Variants in SNAPC3 observed in about 807,000 individuals in gnomAD.
SNAPC3 encodes small nuclear RNA activating complex polypeptide 3, also known as snRNA-activating protein complex subunit 3.
SNAPC3 carries 56 observed loss-of-function variants against 47.7 expected under a neutral mutation model. That is an observed-to-expected ratio of 1.18 (90% confidence interval 0.95 to 1.47). The LOEUF is 1.47. Among genes scored for constraint, SNAPC3 ranks in the 40% most tolerant of loss-of-function variants. SNAPC3 has a pLI of 0.00. For missense variants in SNAPC3, 665 were observed against 511.3 expected, an observed-to-expected ratio of 1.30 and a Z score of -2.90; for synonymous variants, 235 against 189.9, an observed-to-expected ratio of 1.24 and a Z score of -1.95.
chr9:15,457,897 C>G, intron 7 of SNAPC3, 63 bp from the exon 8 acceptor site: 1 of 886,964 alleles, frequency 1.1e-6, no homozygotes, highest in South Asian at 1.6e-5. Context: ...TATTTAATAG[C>G]TCATAAAAAT....
chr9:15,431,855 A>G (rs2032192662), intron 2 of SNAPC3: 2 of 152,016 alleles, frequency 1.3e-5, no homozygotes, highest in Non-Finnish European at 1.5e-5. Flanking sequence ...GGTGGGGAAG[A>G]AAGAACTAAA....
chr9:15,423,646 T>A (rs553422915), intron 1 of SNAPC3, among the ~76,000 whole-genome samples: 53 of 152,350 alleles, frequency 3.5e-4, no homozygotes, highest in African/African-American at 1.1e-3. Flanking sequence ...GAAATATTTC[T>A]TAAAAGTGCC....
chr9:15,425,982 C>T (rs2031335146), intron 2 of SNAPC3, among the ~76,000 whole-genome samples: 1 of 152,238 alleles, frequency 6.6e-6, no homozygotes, highest in South Asian at 2.1e-4. Flanking sequence ...CTGCCTCAGC[C>T]TCCCAAGTAG....
chr9:15,426,068 G>T (rs1000362100), intron 2 of SNAPC3, among the ~76,000 whole-genome samples: 19 of 152,126 alleles, frequency 1.2e-4, no homozygotes, highest in African/African-American at 4.6e-4. Flanking sequence ...TGTTGGTCAG[G>T]CTCCATGTTG....
intron 5 of SNAPC3, among the ~76,000 whole-genome samples, chr9:15,449,659 C>T (rs760090934): frequency 6.8e-5 from 10 of 146,964 alleles, no homozygotes; most frequent in Admixed American, 3.5e-4. Context: ...CAACCTCTGC[C>T]TCTCGGGTTC....
rs181943234 is a variant in SNAPC3, at chr9:15,458,109, G to T, written c.1088+42G>T. 443 of 1,050,096 alleles carry T rather than the reference G, an allele frequency of 4.2e-4. 1 individual carries two copies. In the African/African-American group the frequency reaches 7.0e-3, roughly 17 times the overall value. 65.0% of individuals were successfully genotyped at this position (1,050,096 alleles called of 1,614,324 possible). A position where few individuals can be genotyped will look rare whatever the true frequency, so the allele number is the denominator to read the frequency against. On this transcript the variant is annotated intron_variant, in intron 8 of 8. Transcript: ENST00000380821. ...TTTTTTTTTTCTCTGAGAAATGGCA[G>T]TTTTGACTTTTGGTATTTTGTTTTC... is the stretch of plus-strand genomic sequence containing the variant.
chr9:15,456,380 A>C (rs2034794210), intron 7 of SNAPC3, among the ~76,000 whole-genome samples: 1 of 152,222 alleles, frequency 6.6e-6, no homozygotes, highest in Admixed American at 6.5e-5. Flanking sequence ...AAGGATAAAA[A>C]CATGACCATT....
Position 15,455,238 on chromosome 9 carries a change from T to C in SNAPC3, c.980+2033T>C, listed in dbSNP as rs376858463. Among the ~76,000 whole-genome samples, 22 of 152,306 alleles carry C rather than the reference T, an allele frequency of 1.4e-4. No individual in the cohort carries two copies. In the East Asian group the frequency reaches 2.9e-3, roughly 20 times the overall value. ...TGGATTTATATGACTTTTAAAATTA[T>C]AGACAGTACATTTATGTCTTTGATG... is the stretch of plus-strand genomic sequence containing the variant. On this transcript the variant is annotated intron_variant, in intron 7 of 8. Coordinates refer to ENST00000380821, the MANE Select transcript of SNAPC3 (RefSeq NM_001039697.2).
intron 4 of SNAPC3, 148 bp downstream of exon 4, chr9:15,444,854 G>A (rs371438320): frequency 1.4e-5 from 7 of 493,744 alleles, no homozygotes; most frequent in African/African-American, 1.2e-4. Flanking sequence ...CACTTTGGGA[G>A]GCCAAGGCAG....
chr9:15,437,934 G>A (rs538118146), intron 3 of SNAPC3, among the ~76,000 whole-genome samples: 44 of 152,132 alleles, frequency 2.9e-4, no homozygotes, highest in Non-Finnish European at 4.3e-4. Flanking sequence ...AAGGGATATT[G>A]GCCTGTAGTT....
chr9:15,431,703 G>A (rs1032710240), intron 2 of SNAPC3, among the ~76,000 whole-genome samples: 2 of 152,032 alleles, frequency 1.3e-5, no homozygotes, highest in Non-Finnish European at 2.9e-5. Flanking sequence ...TCATAGTAAT[G>A]TGTCACATAT....
At chr9:15,455,499 G>A (rs1271460403) in intron 7 of SNAPC3, among the ~76,000 whole-genome samples, 4 of 152,056 alleles carry the variant, frequency 2.6e-5, no homozygotes, top group East Asian at 1.9e-4. Context: ...CCCGGGAAGC[G>A]GAGGTTGCAA....
chr9:15,441,848 C>T (rs1288732014), intron 3 of SNAPC3, among the ~76,000 whole-genome samples: 2 of 152,372 alleles, frequency 1.3e-5, no homozygotes, highest in South Asian at 2.1e-4. Context: ...CCACATTTCC[C>T]CCTTTTCTAT....
chr9:15,425,603 C>T (rs939225816), intron 2 of SNAPC3, among the ~76,000 whole-genome samples: 1 of 152,190 alleles, frequency 6.6e-6, no homozygotes, highest in Non-Finnish European at 1.5e-5. Context: ...ATTTATACTG[C>T]CTTAAACTCT....
chr9:15,459,953 A>G lies in SNAPC3; in HGVS notation c.*87A>G. The G allele has an allele frequency of 8.0e-7, 1 of 1,246,472 alleles. No individual in the cohort carries two copies. The highest frequency in any genetic ancestry group is 1.5e-5 in the South Asian group (1 of 66,260). 77.2% of individuals were successfully genotyped at this position (1,246,472 alleles called of 1,614,324 possible). A position where few individuals can be genotyped will look rare whatever the true frequency, so the allele number is the denominator to read the frequency against. ...TATTTCTAAGAAACGCCACTGAGGA[A>G]CAGGATCCACTTTGAACAGTCCGCT... On this transcript the variant is annotated 3_prime_UTR_variant, in exon 9 of 9. Coordinates refer to ENST00000380821, the MANE Select transcript of SNAPC3 (RefSeq NM_001039697.2).
chr9:15,426,343 G>C (rs1016853916), intron 2 of SNAPC3, among the ~76,000 whole-genome samples: 4 of 152,066 alleles, frequency 2.6e-5, no homozygotes, highest in African/African-American at 9.7e-5. Context: ...ACTCCATTTA[G>C]GTCATCTTGT....
intron 4 of SNAPC3, 99 bp from the exon 5 acceptor site, chr9:15,446,996 T>C: frequency 9.7e-7 from 1 of 1,029,930 alleles, no homozygotes; most frequent in Non-Finnish European, 1.5e-6. Flanking sequence ...AATTTAAAAT[T>C]AAGAAAACCA....
In SNAPC3 at chr9:15,447,171, G is replaced by C; in HGVS notation, c.659G>C (p.Arg220Pro). The C allele has an allele frequency of 1.2e-6, 2 of 1,613,846 alleles. No individual in the cohort carries two copies. Among genetic ancestry groups the C allele is most frequent in the Non-Finnish European group, 1.7e-6 (2 of 1,179,766 alleles). Residue 220 changes from arginine to proline, a missense_variant, in exon 5 of 9, where the codon CGA becomes CCA. By Grantham distance (103) the Arg-to-Pro change is moderately radical (BLOSUM62 -2). Transcript: ENST00000380821. ...QKLTQLRDSIRCVSDLQIGGE... is the reference protein window; with the variant it reads ...QKLTQLRDSIPCVSDLQIGGE... ...CTCACACAACTGAGGGATTCAATTC[G>C]ATGTGTCAGTGACCTCCAGATTGGT... is the stretch of plus-strand genomic sequence containing the variant.
intron 5 of SNAPC3, among the ~76,000 whole-genome samples, chr9:15,448,360 T>C (rs912923909): frequency 6.6e-6 from 1 of 152,170 alleles, no homozygotes; most frequent in African/African-American, 2.4e-5. Flanking sequence ...ATTTGTGTAT[T>C]TTCATCAGTG....
Sources: gnomAD v4.1 joint callset for allele counts (sites outside exome capture counted in the v4.1 genomes callset) on GRCh38, gnomAD v4.1.1 for gene constraint, MANE v1.5 for transcripts, NCBI Gene and HGNC (gene_info 2026-07-23, HGNC 2026-07-21) for gene names.